The following ZBTB49 variants were observed in gnomAD, a reference collection of about 807,000 sequenced individuals.
ZBTB49 encodes zinc finger and BTB domain-containing protein 49.
ZBTB49 carries 43 observed loss-of-function variants against 57.5 expected under a neutral mutation model. The ratio of observed to expected loss-of-function variants is 0.75; its 90% CI spans 0.59 to 0.97. The LOEUF (loss-of-function observed/expected upper bound fraction) is 0.97. Among genes scored for constraint, ZBTB49 ranks in the 50% least tolerant of loss-of-function variants. ZBTB49 has a pLI of 0.00. For missense variants in ZBTB49, 938 were observed against 947.7 expected (o/e 0.99, Z 0.13); for synonymous variants, 369 against 362.1 (o/e 1.02, Z -0.22).
At chr4:4,316,176 C>T (rs565296122) in intron 7 of ZBTB49, among the ~76,000 whole-genome samples, 248 of 152,258 alleles carry the variant, frequency 1.6e-3, no homozygotes, top group Middle Eastern at 6.8e-3. Context: ...CTGTCCTAAA[C>T]GCTCCGAATA....
intron 4 of ZBTB49, 114 bp downstream of exon 4, chr4:4,306,298 A>C (rs1720732942): frequency 1.2e-6 from 1 of 832,728 alleles, no homozygotes; most frequent in Admixed American, 2.5e-5. Flanking sequence ...GATGTCTGTA[A>C]CTTAAAGACT....
At position 4,300,059 on chromosome 4, in the gene ZBTB49, G is replaced by T. The variant is rs137857478; in HGVS notation, c.114G>T (p.Ala38=). 3 of 1,614,012 alleles carry T rather than the reference G, an allele frequency of 1.9e-6. No homozygotes were observed. The highest frequency in any genetic ancestry group is 1.1e-5 in the South Asian group (1 of 91,084). ...TGGTAAAAGGAGTCTGCTTTAAAGC[G>T]CATAAGAATGTCCTGGCAGCATTCA... ...MLVVKGVCFK[A]HKNVLAAFSQ... is the part of the protein sequence containing the mutation. Residue 38 remains alanine (A), a synonymous_variant, in exon 2 of 8, where the codon GCG becomes GCT. Coordinates refer to ENST00000337872, the MANE Select transcript of ZBTB49 (RefSeq NM_145291.4).
intron 3 of ZBTB49, among the ~76,000 whole-genome samples, chr4:4,304,290 A>T (rs1315254257): frequency 6.6e-6 from 1 of 151,094 alleles, no homozygotes; most frequent in Admixed American, 6.6e-5. Flanking sequence ...CAGTGGCACA[A>T]TCTCGGCTCA....
chr4:4,302,234 C>T lies in ZBTB49; in HGVS notation c.398C>T (p.Thr133Ile), dbSNP rs1202210121. The T allele has an allele frequency of 6.2e-7, 1 of 1,614,140 alleles. No homozygotes were observed. The highest frequency in any genetic ancestry group is 2.2e-5 in the East Asian group (1 of 44,902). Residue 133 changes from threonine to isoleucine, a missense_variant, in exon 3 of 8, where the codon ACA becomes ATA. Transcript: ENST00000337872. ...VQPPGMPCNS[T>I]LSLQSTLTPD... ...CCACCTGGCATGCCTTGTAATAGTA[C>T]ATTGTCTCTACAAAGCACCCTGACC...
In ZBTB49 at chr4:4,315,892, T is replaced by G; in HGVS notation, c.1543T>G (p.Ser515Ala). Reference sequence around the variant, plus strand: ...CTTCACCTGTGATGAGTGTGGAAAGTCTTTTAATATGCAAAGGAAGTTAGT... The same window carrying G: ...CTTCACCTGTGATGAGTGTGGAAAGGCTTTTAATATGCAAAGGAAGTTAGT... The part of the protein sequence containing the change: ...KVFTCDECGK[S>A]FNMQRKLVKH... The change falls in exon 7 of 8, where the codon TCT becomes GCT. Residue 515 changes from serine (S) to alanine (A), a missense_variant. Coordinates refer to ENST00000337872, the MANE Select transcript of ZBTB49 (RefSeq NM_145291.4). The G allele has an allele frequency of 1.9e-6, 3 of 1,614,196 alleles. No individual in the cohort carries two copies. Among genetic ancestry groups the G allele is most frequent in the Non-Finnish European group, 2.5e-6 (3 of 1,180,028 alleles).
intron 2 of ZBTB49, among the ~76,000 whole-genome samples, chr4:4,300,874 T>C (rs575932786): frequency 6.6e-6 from 1 of 152,312 alleles, no homozygotes; most frequent in Non-Finnish European, 1.5e-5. Flanking sequence ...CAAAGTCTTT[T>C]TTTTTTAAAG....
intron 4 of ZBTB49, among the ~76,000 whole-genome samples, chr4:4,308,924 A>G (rs1319875205): frequency 1.3e-5 from 2 of 152,220 alleles, no homozygotes; most frequent in African/African-American, 4.8e-5. Flanking sequence ...AGCCCTGCAG[A>G]CAAGCAGGCA....
At chr4:4,294,885 G>A (rs1329374515) in intron 1 of ZBTB49, among the ~76,000 whole-genome samples, 10 of 149,074 alleles carry the variant, frequency 6.7e-5, no homozygotes, top group Non-Finnish European at 1.5e-4. Flanking sequence ...GTGTGTGTGT[G>A]TGTGTGTGTG....
chr4:4,314,561 G>A (rs542688211), intron 5 of ZBTB49, among the ~76,000 whole-genome samples: 11 of 152,174 alleles, frequency 7.2e-5, no homozygotes, highest in Non-Finnish European at 1.5e-4. Flanking sequence ...TAGTAGAGAC[G>A]GGGTTTCGCC....
At chr4:4,317,417 C>T (rs188525565) in intron 7 of ZBTB49, among the ~76,000 whole-genome samples, 287 of 152,246 alleles carry the variant, frequency 1.9e-3, no homozygotes, top group African/African-American at 6.5e-3. Flanking sequence ...TTGTATAATT[C>T]TCAACACAAT....
intron 5 of ZBTB49, among the ~76,000 whole-genome samples, chr4:4,314,711 C>T (rs1374754120): frequency 2.6e-5 from 4 of 152,184 alleles, no homozygotes; most frequent in Non-Finnish European, 4.4e-5. Context: ...GCAGCGTCTT[C>T]CTTAGAATAT....
Position 4,313,237 on chromosome 4 carries a change from G to A in ZBTB49, c.1376+123G>A, listed in dbSNP as rs112255276. The A allele has an allele frequency of 5.9e-4, 561 of 952,510 alleles. 4 individuals carry two copies. The African/African-American group carries it at 7.7e-3, about 13-fold the overall frequency. The allele number at this position is 952,510 out of a possible 1,614,324, so 59.0% of individuals were successfully genotyped here. A position where few individuals can be genotyped will look rare whatever the true frequency, so the allele number is the denominator to read the frequency against. Reference sequence around the variant, plus strand: ...CCACAGGTGGGCTCACCCTGCCACTGCAGAACACAGGTAAATTCAAACCTT... The same window carrying A: ...CCACAGGTGGGCTCACCCTGCCACTACAGAACACAGGTAAATTCAAACCTT... On this transcript the variant is annotated intron_variant, in intron 5 of 7. Coordinates refer to ENST00000337872, the MANE Select transcript of ZBTB49 (RefSeq NM_145291.4).
intron 7 of ZBTB49, among the ~76,000 whole-genome samples, chr4:4,318,290 A>G (rs1721270726): frequency 6.6e-6 from 1 of 152,234 alleles, no homozygotes; most frequent in Non-Finnish European, 1.5e-5. Context: ...TCAACTATTG[A>G]GAATTTATCT....
At chr4:4,303,946 T>A (rs1720626965) in intron 3 of ZBTB49, among the ~76,000 whole-genome samples, 1 of 152,172 alleles carries the variant, frequency 6.6e-6, no homozygotes, top group African/African-American at 2.4e-5. Context: ...CAGCAGCTGC[T>A]TTTACGGTGT....
At position 4,306,377 on chromosome 4, in the gene ZBTB49, T is replaced by C. The variant is rs530033853; in HGVS notation, c.1302+193T>C. On this transcript the variant is annotated intron_variant, in intron 4 of 7. Coordinates refer to ENST00000337872, the MANE Select transcript of ZBTB49 (RefSeq NM_145291.4). ...TAGTTCTTTGAGAGAAAAATAGCAT[T>C]TTCATGTGTGAATTCTTACAATACT... Among the ~76,000 whole-genome samples the C allele has an allele frequency of 2.6e-5, 4 of 152,352 alleles. No homozygotes were observed. The South Asian group carries it at 8.3e-4, about 32-fold the overall frequency.
chr4:4,299,013 G>A (rs184427035), intron 1 of ZBTB49, among the ~76,000 whole-genome samples: 20 of 152,294 alleles, frequency 1.3e-4, no homozygotes. Context: ...GTAGTCAGTT[G>A]GAGAACAGAG....
At chr4:4,314,078 G>A (rs1248258093) in intron 5 of ZBTB49, among the ~76,000 whole-genome samples, 1 of 152,216 alleles carries the variant, frequency 6.6e-6, no homozygotes, top group Non-Finnish European at 1.5e-5. Flanking sequence ...AAGCCGAGGA[G>A]GAAGCGACTC....
chr4:4,312,891 A>G (rs954085126), intron 4 of ZBTB49, 150 bp from the exon 5 acceptor site: 5 of 824,006 alleles, frequency 6.1e-6, no homozygotes, highest in Admixed American at 2.7e-5. Context: ...GCTCTTGCCC[A>G]TGGCTTCTTT....
In ZBTB49 at chr4:4,302,482, C is replaced by G; in HGVS notation, c.646C>G (p.Leu216Val). The G allele has an allele frequency of 6.2e-7, 1 of 1,614,172 alleles. No homozygotes were observed. The highest frequency in any genetic ancestry group is 8.5e-7 in the Non-Finnish European group (1 of 1,180,022). ...PFKQPNYYYK[L>V]RNFYSKQYHK... ...CAAACAGCCAAATTACTATTACAAA[C>G]TCAGAAACTTTTACAGTAAGCAGTA... Residue 216 changes from leucine to valine, a missense_variant, in exon 3 of 8, where the codon CTC becomes GTC. By Grantham distance (32) the Leu-to-Val change is conservative. Around this residue, in one of 3 missense-constraint regions of ZBTB49, gnomAD observed 835 missense variants for 819.1 expected, o/e 1.02. Coordinates refer to ENST00000337872, the MANE Select transcript of ZBTB49 (RefSeq NM_145291.4).
Sources: gnomAD v4.1 joint callset for allele counts (sites outside exome capture counted in the v4.1 genomes callset) on GRCh38, gnomAD v4.1.1 for gene constraint, gnomAD v4.1.1 regional missense constraint, MANE v1.5 for transcripts, NCBI Gene and HGNC (gene_info 2026-07-23, HGNC 2026-07-21) for gene names.